Variants in MME observed in about 807,000 individuals in gnomAD.
The protein encoded by MME is membrane metalloendopeptidase.
A neutral mutation model predicts 113.2 loss-of-function variants in MME; 98 were observed. The ratio of observed to expected loss-of-function variants is 0.87; its 90% CI spans 0.74 to 1.02. MME has a LOEUF of 1.02. MME is among the 50% of genes least tolerant of loss of function. MME has a pLI of 0.00. For missense variants in MME, 836 were observed against 896.0 expected, an observed-to-expected ratio of 0.93 and a Z score of 0.86; for synonymous variants, 292 against 300.6, an observed-to-expected ratio of 0.97 and a Z score of 0.30.
At position 155,147,216 on chromosome 3, in the gene MME, T is replaced by C. The variant is rs200308207; in HGVS notation, c.1489T>C (p.Tyr497His). The C allele has an allele frequency of 3.0e-5, 47 of 1,590,440 alleles. No individual in the cohort carries two copies. In the East Asian group the frequency reaches 4.0e-4, roughly 14 times the overall value. The change falls in exon 15 of 23, where the codon TAC becomes CAC. Residue 497 changes from tyrosine to histidine, a missense_variant. By Grantham distance (83) the Tyr-to-His change is moderately conservative. Transcript: ENST00000360490. ...AAATGATAACAAACTGAATAATGAG[T>C]ACCTCGAGGTAAGTCTCTATAAAAT... ...VSNDNKLNNE[Y>H]LELNYKEDEY...
intron 2 of MME, among the ~76,000 whole-genome samples, chr3:155,084,590 A>C (rs1715492109): frequency 6.6e-6 from 1 of 152,244 alleles, no homozygotes; most frequent in Non-Finnish European, 1.5e-5. Context: ...GTATGGTTTT[A>C]TTTGATTAAA....
intron 16 of MME, among the ~76,000 whole-genome samples, chr3:155,152,620 C>G (rs536892594): frequency 6.6e-6 from 1 of 152,066 alleles, no homozygotes; most frequent in Non-Finnish European, 1.5e-5. Flanking sequence ...GTGGGCGGAT[C>G]ACTTGAGGTC....
chr3:155,108,868 T>A (rs1444562208), intron 3 of MME, among the ~76,000 whole-genome samples: 3 of 152,122 alleles, frequency 2.0e-5, no homozygotes, highest in African/African-American at 7.2e-5. Flanking sequence ...GTTAGCAAAC[T>A]ATTGGTAATG....
rs1243709571 is a variant in MME, at chr3:155,147,199, A to G, written c.1472A>G (p.Asn491Ser). ...CCTGATGACATTGTTTCAAATGATA[A>G]CAAACTGAATAATGAGTACCTCGAG... ...GYPDDIVSND[N>S]KLNNEYLELN... is the part of the protein sequence containing the mutation. The change falls in exon 15 of 23, where the codon AAC becomes AGC. Residue 491 changes from asparagine to serine, a missense_variant. Asn to Ser is a conservative substitution (Grantham distance 46). Coordinates refer to ENST00000360490, the MANE Select transcript of MME (RefSeq NM_007289.4). 3 of 1,606,734 alleles carry G rather than the reference A, an allele frequency of 1.9e-6. No homozygotes were observed. The highest frequency in any genetic ancestry group is 2.7e-5 in the African/African-American group (2 of 74,754).
Position 155,147,184 on chromosome 3 carries a change from T to G in MME, c.1457T>G (p.Ile486Ser). The change falls in exon 15 of 23, where the codon ATT becomes AGT. Residue 486 changes from isoleucine (I) to serine (S), a missense_variant. Coordinates refer to ENST00000360490, the MANE Select transcript of MME (RefSeq NM_007289.4). Reference protein sequence around the residue: ...IKERIGYPDDIVSNDNKLNNE... With the variant: ...IKERIGYPDDSVSNDNKLNNE... ...GAAAGGATCGGCTATCCTGATGACA[T>G]TGTTTCAAATGATAACAAACTGAAT... 6.2e-7 allele frequency: 1 copy of G among 1,609,314 alleles called. No individual in the cohort carries two copies. Among genetic ancestry groups the G allele is most frequent in the South Asian group, 1.1e-5 (1 of 90,984 alleles).
chr3:155,086,719 C>T (rs1352007103), intron 3 of MME, among the ~76,000 whole-genome samples: 1 of 152,104 alleles, frequency 6.6e-6, no homozygotes, highest in African/African-American at 2.4e-5. Flanking sequence ...GATTCTAAAC[C>T]TCCTTTCTAA....
intron 3 of MME, among the ~76,000 whole-genome samples, chr3:155,106,857 T>C (rs993914364): frequency 6.6e-6 from 1 of 152,332 alleles, no homozygotes; most frequent in Admixed American, 6.5e-5. Context: ...GAGCATTTGC[T>C]CCTGGGTTCC....
intron 3 of MME, among the ~76,000 whole-genome samples, chr3:155,109,345 A>G (rs992267343): frequency 6.6e-6 from 1 of 152,078 alleles, no homozygotes; most frequent in East Asian, 1.9e-4. Flanking sequence ...GAACTGGATC[A>G]TGGGTGGTGT....
intron 3 of MME, among the ~76,000 whole-genome samples, chr3:155,092,485 C>A (rs1310486597): frequency 6.6e-6 from 1 of 152,192 alleles, no homozygotes; most frequent in East Asian, 1.9e-4. Context: ...TACAACCCAG[C>A]AATTCTACTC....
In MME at chr3:155,107,077, C is replaced by T. The variant is rs60130676; in HGVS notation, c.197-7917C>T. ...GATTAAGAATAGTCAATGGAGGGACCGGGCGTGGTGGCTCATGCCTATAAT... is the reference window on the plus strand; with the variant it reads ...GATTAAGAATAGTCAATGGAGGGACTGGGCGTGGTGGCTCATGCCTATAAT... On this transcript the variant is annotated intron_variant, in intron 3 of 22. Coordinates refer to ENST00000360490, the MANE Select transcript of MME (RefSeq NM_007289.4). Among the ~76,000 whole-genome samples the T allele has an allele frequency of 5.6e-3, 849 of 152,232 alleles. 11 individuals carry two copies. The highest frequency in any genetic ancestry group is 0.019 in the African/African-American group (780 of 41,534).
chr3:155,158,154 C>A lies in MME; in HGVS notation c.1602-2236C>A, dbSNP rs369171652. 3.3e-5 allele frequency among the ~76,000 whole-genome samples: 5 copies of A among 152,120 alleles called. No homozygotes were observed. The East Asian group carries it at 5.8e-4, about 18-fold the overall frequency. On this transcript the variant is annotated intron_variant, in intron 16 of 22. Coordinates refer to ENST00000360490, the MANE Select transcript of MME (RefSeq NM_007289.4). The stretch of plus-strand genomic sequence containing the variant: ...CTCCTCTGTAATCACAGTTTAAAAA[C>A]AACTTGGATTGGCACCTTTTCTATT...
chr3:155,082,528 A>G (rs1715244518), intron 1 of MME, among the ~76,000 whole-genome samples: 1 of 152,214 alleles, frequency 6.6e-6, no homozygotes, highest in Non-Finnish European at 1.5e-5. Context: ...ATGCAATTCC[A>G]TATCATAACC....
At chr3:155,180,277 C>T (rs1399869511) in intron 22 of MME, 83 bp from the exon 23 acceptor site, 30 of 971,748 alleles carry the variant, frequency 3.1e-5, no homozygotes, top group Non-Finnish European at 4.4e-5. Flanking sequence ...ACTTGACCTG[C>T]AGAGGGAAAT....
At position 155,084,190 on chromosome 3, in the gene MME, T is replaced by C. The variant is rs764401706; in HGVS notation, c.23T>C (p.Met8Thr). The C allele has an allele frequency of 1.9e-6, 3 of 1,614,056 alleles. No homozygotes were observed. In the East Asian group the frequency reaches 6.7e-5, roughly 36 times the overall value. Reference protein sequence around the residue: MGKSESQMDITDINTPKP... With the variant: MGKSESQTDITDINTPKP... ...GTGATGGGCAAGTCAGAAAGTCAGA[T>C]GGATATAACTGATATCAACACTCCA... The change falls in exon 2 of 23, where the codon ATG (methionine) becomes ACG (threonine). Residue 8 changes from methionine (M) to threonine (T), a missense_variant. By Grantham distance (81) the Met-to-Thr change is moderately conservative. Transcript: ENST00000360490.
chr3:155,129,253 G>A (rs888859689), intron 8 of MME, among the ~76,000 whole-genome samples: 1 of 152,114 alleles, frequency 6.6e-6, no homozygotes, highest in Non-Finnish European at 1.5e-5. Context: ...GAGGATCACA[G>A]AGGGTCACAT....
At chr3:155,070,713 T>C (rs531690939) in intron 1 of MME, among the ~76,000 whole-genome samples, 5 of 152,270 alleles carry the variant, frequency 3.3e-5, no homozygotes, top group Non-Finnish European at 5.9e-5. Flanking sequence ...ATTTTGAATA[T>C]GATTTTTTCA....
intron 8 of MME, among the ~76,000 whole-genome samples, chr3:155,135,395 C>CTTTCCCTGTTGCTTAT (rs60161122): frequency 0.36 from 55,141 of 151,442 alleles, 10,569 homozygotes; most frequent in South Asian, 0.56. Flanking sequence ...ATAGGGAGTC[C>CTTTCCCTGTTGCTTAT]TTTCCCTGTT....
chr3:155,178,032 G>T (rs1224158278), intron 22 of MME, among the ~76,000 whole-genome samples: 1 of 152,134 alleles, frequency 6.6e-6, no homozygotes, highest in Non-Finnish European at 1.5e-5. Context: ...CTATCAGAGG[G>T]CCTCTCGGGG....
In MME at chr3:155,141,976, C is replaced by A; in HGVS notation, c.958-15C>A. ...ATCCACAATTTCTGAATGTTTCATG[C>A]CTGCTTTTTTCCAGCCATTCAGCTG... On this transcript the variant is annotated splice_polypyrimidine_tract_variant and intron_variant, in intron 10 of 22. Transcript: ENST00000360490. 1 of 1,613,316 alleles carries A rather than the reference C, an allele frequency of 6.2e-7. No individual in the cohort carries two copies. Among genetic ancestry groups the A allele is most frequent in the Non-Finnish European group, 8.5e-7 (1 of 1,179,498 alleles).
Sources: gnomAD v4.1 joint callset for allele counts (sites outside exome capture counted in the v4.1 genomes callset) on GRCh38, gnomAD v4.1.1 for gene constraint, MANE v1.5 for transcripts, NCBI Gene and HGNC (gene_info 2026-07-23, HGNC 2026-07-21) for gene names.